The following RBFOX1 variants were observed in gnomAD, a reference collection of about 807,000 sequenced individuals.
RBFOX1 encodes RNA binding fox-1 homolog 1, also known as RNA binding protein fox-1 homolog 1.
RBFOX1 carries 8 observed loss-of-function variants against 57.7 expected under a neutral mutation model. That is an observed-to-expected ratio of 0.14 (90% CI 0.08 to 0.25). The LOEUF is 0.25. Among genes scored for constraint, RBFOX1 ranks in the 10% least tolerant of loss-of-function variants. The probability of loss-of-function intolerance (pLI) is 1.00; values close to 1 mark genes in which losing one functional copy is unlikely to be tolerated. For missense variants in RBFOX1, 611 were observed against 548.5 expected (o/e 1.11, Z -1.14); for synonymous variants, 326 against 222.4 (o/e 1.47, Z -4.15).
At chr16:6,933,265 A>G (rs1019732758) in intron 3 of RBFOX1, among the ~76,000 whole-genome samples, 1 of 152,214 alleles carries the variant, frequency 6.6e-6, no homozygotes, top group African/African-American at 2.4e-5. Flanking sequence ...TGCAAGTGAA[A>G]TTGATGAATC....
chr16:6,999,893 G>A (rs1229127135), intron 3 of RBFOX1, among the ~76,000 whole-genome samples: 1 of 151,904 alleles, frequency 6.6e-6, no homozygotes, highest in Non-Finnish European at 1.5e-5. Context: ...GCAACATGGT[G>A]AAACCCTGTC....
At chr16:6,681,604 C>T (rs139926360) in intron 3 of RBFOX1, among the ~76,000 whole-genome samples, 16 of 150,916 alleles carry the variant, frequency 1.1e-4, no homozygotes, top group African/African-American at 3.2e-4. Context: ...TAGTTAAAGC[C>T]GTAAACAAAG....
At chr16:6,531,490 G>T (rs757556091) in intron 2 of RBFOX1, among the ~76,000 whole-genome samples, 1 of 152,170 alleles carries the variant, frequency 6.6e-6, no homozygotes, top group Non-Finnish European at 1.5e-5. Flanking sequence ...TCTCATGAAC[G>T]TGGGAAAATG....
intron 1 of RBFOX1, among the ~76,000 whole-genome samples, chr16:5,261,973 G>GTT (rs2062746037): frequency 6.6e-6 from 1 of 152,188 alleles, no homozygotes; most frequent in African/African-American, 2.4e-5. Flanking sequence ...CACACTCAAA[G>GTT]AAGACTTCTT....
intron 4 of RBFOX1, among the ~76,000 whole-genome samples, chr16:5,930,718 G>T (rs1195029622): frequency 7.7e-5 from 9 of 117,512 alleles, no homozygotes; most frequent in African/African-American, 2.7e-4. Context: ...GGGTAGGTGG[G>T]AGGGTGAGTA....
intron 2 of RBFOX1, among the ~76,000 whole-genome samples, chr16:5,597,706 T>A (rs1298815089): frequency 2.6e-5 from 4 of 152,150 alleles, no homozygotes; most frequent in African/African-American, 9.7e-5. Context: ...TTGCTGACAC[T>A]TTTGAGGCAG....
intron 4 of RBFOX1, among the ~76,000 whole-genome samples, chr16:5,878,731 G>A (rs1032744690): frequency 2.0e-5 from 3 of 152,118 alleles, no homozygotes; most frequent in African/African-American, 4.8e-5. Flanking sequence ...GGCTTCCTCT[G>A]TTGAGCTATG....
rs112361352 is a variant in RBFOX1, at chr16:6,338,152, G to C, written c.-64+21095G>C. On this transcript the variant is annotated intron_variant, in intron 2 of 15. Coordinates refer to ENST00000550418, the MANE Select transcript of RBFOX1 (RefSeq NM_018723.4). Reference sequence around the variant, plus strand: ...TGTTTTTTAGTGGTGAGAATAAAAAGATACCTTCATTTTCCATTAAGTATT... The same window carrying C: ...TGTTTTTTAGTGGTGAGAATAAAAACATACCTTCATTTTCCATTAAGTATT... 7.4e-3 allele frequency among the ~76,000 whole-genome samples: 1,131 copies of C among 152,240 alleles called. 10 individuals are homozygous for C. The highest frequency in any genetic ancestry group is 0.024 in the African/African-American group (993 of 41,542).
rs562533081 is a variant in RBFOX1, at chr16:7,373,353, T to C, written c.28-144794T>C. ...TACATGTTATAGTAAAGACAGTCTT[T>C]TGAAGCAAAGCTACAGGTACTATTA... On this transcript the variant is annotated intron_variant, in intron 4 of 15. Coordinates refer to ENST00000550418, the MANE Select transcript of RBFOX1 (RefSeq NM_018723.4). Among the ~76,000 whole-genome samples the C allele has an allele frequency of 2.6e-5, 4 of 152,282 alleles. No individual in the cohort carries two copies. In the South Asian group the frequency reaches 8.3e-4, roughly 32 times the overall value.
intron 4 of RBFOX1, among the ~76,000 whole-genome samples, chr16:5,958,410 C>T (rs1419415498): frequency 6.6e-6 from 1 of 152,310 alleles, no homozygotes; most frequent in East Asian, 1.9e-4. Context: ...TCCTATCATA[C>T]AGTGGTTATA....
At chr16:6,250,322 A>G (rs1296954318) in intron 1 of RBFOX1, among the ~76,000 whole-genome samples, 1 of 152,096 alleles carries the variant, frequency 6.6e-6, no homozygotes, top group Admixed American at 6.6e-5. Context: ...AGAATGTTTA[A>G]TTTTGCAAGC....
chr16:6,357,598 T>G (rs2087598710), intron 2 of RBFOX1, among the ~76,000 whole-genome samples: 1 of 151,780 alleles, frequency 6.6e-6, no homozygotes, highest in African/African-American at 2.4e-5. Flanking sequence ...TCGCTCCCTC[T>G]TGCTCCCGCT....
chr16:7,363,830 T>C (rs899829873), intron 4 of RBFOX1, among the ~76,000 whole-genome samples: 1 of 152,176 alleles, frequency 6.6e-6, no homozygotes, highest in Non-Finnish European at 1.5e-5. Context: ...GTCAGTCTTC[T>C]TGATGTTTAT....
intron 2 of RBFOX1, among the ~76,000 whole-genome samples, chr16:6,581,509 A>G (rs184751304): frequency 6.6e-6 from 1 of 152,234 alleles, no homozygotes; most frequent in Non-Finnish European, 1.5e-5. Flanking sequence ...CTGGGCTCTG[A>G]TGGTCTAGCT....
intron 1 of RBFOX1, among the ~76,000 whole-genome samples, chr16:6,088,193 TC>T (rs2096117734): frequency 6.6e-6 from 1 of 152,118 alleles, no homozygotes; most frequent in South Asian, 2.1e-4. Context: ...TTACTTTTTT[TC>T]TTTCATTTTT....
intron 3 of RBFOX1, among the ~76,000 whole-genome samples, chr16:7,007,112 T>A (rs564770199): frequency 6.6e-6 from 1 of 152,324 alleles, no homozygotes; most frequent in African/African-American, 2.4e-5. Context: ...TATGGACTGA[T>A]AAGGAGGCTC....
chr16:7,484,918 G>C (rs938276549), intron 4 of RBFOX1, among the ~76,000 whole-genome samples: 14 of 152,176 alleles, frequency 9.2e-5, no homozygotes, highest in African/African-American at 3.4e-4. Context: ...AAGTAAAGAA[G>C]ACATTTGTCC....
chr16:6,869,240 G>A (rs1288194747), intron 3 of RBFOX1, among the ~76,000 whole-genome samples: 1 of 152,090 alleles, frequency 6.6e-6, no homozygotes, highest in Non-Finnish European at 1.5e-5. Context: ...CCACCTATAT[G>A]TGCAAAGTGC....
At chr16:7,018,913 G>C (rs907708869) in intron 3 of RBFOX1, among the ~76,000 whole-genome samples, 6 of 152,128 alleles carry the variant, frequency 3.9e-5, no homozygotes, top group Non-Finnish European at 7.4e-5. Context: ...GAGCTCAGGA[G>C]TTCAAGACCA....
Sources: allele counts gnomAD v4.1 joint callset (sites outside exome capture counted in the v4.1 genomes callset), GRCh38; gene constraint gnomAD v4.1.1; transcripts MANE v1.5; gene names NCBI Gene and HGNC (gene_info 2026-07-23, HGNC 2026-07-21).